The following SVEP1 variants were observed in gnomAD, a reference collection of about 807,000 sequenced individuals.
SVEP1 encodes the protein sushi, von Willebrand factor type A, EGF and pentraxin domain-containing protein 1.
Under a neutral mutation model 367.3 loss-of-function variants are expected in SVEP1, and 164 were observed. The ratio of observed to expected loss-of-function variants is 0.45; its 90% CI spans 0.39 to 0.51. SVEP1 has a LOEUF of 0.51. Among genes scored for constraint, SVEP1 ranks in the 20% least tolerant of loss-of-function variants. SVEP1 has a pLI of 0.00. For synonymous variants in SVEP1, 1,666 were observed against 1,611.6 expected (o/e 1.03, Z -0.81); for missense variants, 4,117 against 4,425.3 (o/e 0.93, Z 1.98).
Position 110,434,417 on chromosome 9 carries a change from G to C in SVEP1, c.4978C>G (p.Pro1660Ala). The change falls in exon 30 of 48, where the codon CCA (proline) becomes GCA (alanine). Residue 1660 changes from proline (P) to alanine (A), a missense_variant. Pro to Ala is a conservative substitution (Grantham distance 27). Coordinates refer to ENST00000374469, the MANE Select transcript of SVEP1 (RefSeq NM_153366.4). The part of the protein sequence containing the change: ...PGSKVNLFCD[P>A]GFQLVGNPVQ... ...GGGTTCCCGACCAGCTGGAAGCCTG[G>C]ATCACAGAACAGATTGACTTTGGAA... is the stretch of plus-strand genomic sequence containing the variant. 6.2e-7 allele frequency: 1 copy of C among 1,613,390 alleles called. No homozygotes were observed. The highest frequency in any genetic ancestry group is 8.5e-7 in the Non-Finnish European group (1 of 1,179,706).
intron 30 of SVEP1, among the ~76,000 whole-genome samples, chr9:110,433,013 T>C (rs1169429127): frequency 6.6e-6 from 1 of 152,028 alleles, no homozygotes; most frequent in East Asian, 1.9e-4. Flanking sequence ...GTGAGTGAGT[T>C]CTCGTGAGAT....
chr9:110,488,081 G>C (rs1829311118), intron 9 of SVEP1, among the ~76,000 whole-genome samples: 1 of 152,186 alleles, frequency 6.6e-6, no homozygotes, highest in African/African-American at 2.4e-5. Context: ...ACAAACTTCA[G>C]CGATATCAAG....
At chr9:110,506,640 G>A (rs1402230040) in intron 5 of SVEP1, among the ~76,000 whole-genome samples, 1 of 152,150 alleles carries the variant, frequency 6.6e-6, no homozygotes, top group Non-Finnish European at 1.5e-5. Context: ...ATCTTCCGTA[G>A]TCTCCTCTTT....
At chr9:110,502,890 T>C in intron 6 of SVEP1, 148 bp downstream of exon 6, 1 of 700,896 alleles carries the variant, frequency 1.4e-6, no homozygotes, top group Non-Finnish European at 2.2e-6. Context: ...CATCTGTTTT[T>C]GTATCTGTAA....
intron 46 of SVEP1, among the ~76,000 whole-genome samples, chr9:110,374,542 C>A (rs1325889372): frequency 6.6e-6 from 1 of 152,076 alleles, no homozygotes; most frequent in Non-Finnish European, 1.5e-5. Context: ...CCCAGCTACT[C>A]CAGAGGCTGA....
At chr9:110,561,996 G>A (rs1377824500) in intron 1 of SVEP1, among the ~76,000 whole-genome samples, 3 of 152,022 alleles carry the variant, frequency 2.0e-5, no homozygotes, top group Admixed American at 1.3e-4. Context: ...TTATGGTTAC[G>A]AGGTTTTCCA....
intron 3 of SVEP1, among the ~76,000 whole-genome samples, chr9:110,543,279 T>G (rs950944247): frequency 6.6e-6 from 1 of 152,166 alleles, no homozygotes; most frequent in Admixed American, 6.6e-5. Flanking sequence ...AAATTTGTGT[T>G]GATGCAACTC....
In SVEP1 at chr9:110,430,427, C is replaced by T. The variant is rs1207734950; in HGVS notation, c.5377G>A (p.Gly1793Arg). The T allele has an allele frequency of 1.2e-6, 2 of 1,611,940 alleles. No individual in the cohort carries two copies. Among genetic ancestry groups the T allele is most frequent in the African/African-American group, 2.7e-5 (2 of 74,830 alleles). Reference sequence around the variant, plus strand: ...GAGGAGTGGCCATTTTCCGGATTTCCTGGAGCCTTACATTTTATAGGTTCT... The same window carrying T: ...GAGGAGTGGCCATTTTCCGGATTTCTTGGAGCCTTACATTTTATAGGTTCT... ...CAEPIKCKAP[G>R]NPENGHSSGE... The change falls in exon 33 of 48, where the codon GGA (glycine) becomes AGA (arginine). Residue 1793 changes from glycine (G) to arginine (R), a missense_variant. Transcript: ENST00000374469.
At chr9:110,578,629 A>G (rs1202180429) in intron 1 of SVEP1, among the ~76,000 whole-genome samples, 1 of 152,182 alleles carries the variant, frequency 6.6e-6, no homozygotes, top group Non-Finnish European at 1.5e-5. Context: ...TTTAAAAAGA[A>G]TTGGGGTTAG....
intron 43 of SVEP1, among the ~76,000 whole-genome samples, chr9:110,383,850 G>A (rs1407740629): frequency 8.9e-6 from 1 of 112,276 alleles, no homozygotes; most frequent in Non-Finnish European, 1.9e-5. Context: ...GGAGGAAGGA[G>A]TCAGGGTCCA....
intron 17 of SVEP1, among the ~76,000 whole-genome samples, chr9:110,466,957 G>A (rs1214753347): frequency 6.6e-6 from 1 of 152,042 alleles, no homozygotes; most frequent in Non-Finnish European, 1.5e-5. Context: ...ACTTTGGCCA[G>A]ATGCCCTGAC....
intron 3 of SVEP1, among the ~76,000 whole-genome samples, chr9:110,522,581 G>C (rs1222087367): frequency 6.6e-6 from 1 of 152,158 alleles, no homozygotes; most frequent in Non-Finnish European, 1.5e-5. Flanking sequence ...TTGCATACTT[G>C]CTGAATGTCC....
At chr9:110,369,454 G>T in intron 47 of SVEP1, 1 of 152,280 alleles carries the variant, frequency 6.6e-6, no homozygotes, top group East Asian at 1.9e-4. Context: ...TTGTAATGAA[G>T]AACTTAAACA....
chr9:110,366,627 T>C, intron 47 of SVEP1, 67 bp from the exon 48 acceptor site: 1 of 1,453,754 alleles, frequency 6.9e-7, no homozygotes, highest in Middle Eastern at 1.8e-4. Context: ...AGCTAACATC[T>C]CTTTAGGAGT....
chr9:110,499,884 G>A (rs890459808), intron 6 of SVEP1, among the ~76,000 whole-genome samples: 2 of 152,296 alleles, frequency 1.3e-5, no homozygotes, highest in African/African-American at 4.8e-5. Context: ...AGAATCTACT[G>A]GCAGCATTAC....
intron 13 of SVEP1, among the ~76,000 whole-genome samples, chr9:110,477,576 AGAT>A (rs1829114696): frequency 6.6e-6 from 1 of 152,132 alleles, no homozygotes; most frequent in Admixed American, 6.5e-5. Context: ...TCTTACTCTC[AGAT>A]GATCATTTTT....
intron 24 of SVEP1, among the ~76,000 whole-genome samples, chr9:110,448,783 C>G (rs1828646072): frequency 1.3e-5 from 2 of 152,182 alleles, no homozygotes; most frequent in South Asian, 4.1e-4. Context: ...CAGTTATGTA[C>G]TATATGCCAG....
chr9:110,550,999 G>T (rs1456500284), intron 1 of SVEP1, among the ~76,000 whole-genome samples: 1 of 152,124 alleles, frequency 6.6e-6, no homozygotes, highest in Middle Eastern at 3.2e-3. Flanking sequence ...GAGTAGAAAA[G>T]ATAAAGAAGC....
At chr9:110,458,403 G>T in intron 20 of SVEP1, 68 bp downstream of exon 20, 1 of 1,320,266 alleles carries the variant, frequency 7.6e-7, no homozygotes, top group Non-Finnish European at 1.1e-6. Context: ...TCCTGTGTGT[G>T]ATGTGTAAAA....
Sources: gnomAD v4.1 joint callset for allele counts (sites outside exome capture counted in the v4.1 genomes callset) on GRCh38, gnomAD v4.1.1 for gene constraint, MANE v1.5 for transcripts, NCBI Gene and HGNC (gene_info 2026-07-23, HGNC 2026-07-21) for gene names.